The following DOCK8 variants were observed in gnomAD, a reference collection of about 807,000 sequenced individuals.
DOCK8 encodes dedicator of cytokinesis protein 8.
In DOCK8, 141 loss-of-function variants were observed where a neutral mutation model predicts 245.6. The observed-to-expected ratio is 0.57, with a 90% CI of 0.50 to 0.66. DOCK8 has a LOEUF of 0.66. DOCK8 is among the 30% of genes least tolerant of loss of function. The pLI is 0.00. For synonymous variants in DOCK8, 1,168 were observed against 970.2 expected, an observed-to-expected ratio of 1.20 and a Z score of -3.79; for missense variants, 2,965 against 2,603.4, an observed-to-expected ratio of 1.14 and a Z score of -3.02.
At chr9:241,001 T>C (rs150519527) in intron 1 of DOCK8, among the ~76,000 whole-genome samples, 29 of 152,194 alleles carry the variant, frequency 1.9e-4, no homozygotes, top group African/African-American at 6.0e-4. Flanking sequence ...TGTTTCTTTT[T>C]CCTCTTATCT....
intron 2 of DOCK8, chr9:272,917 C>A: frequency 2.4e-6 from 1 of 413,070 alleles, no homozygotes; most frequent in African/African-American, 2.2e-5. Context: ...CCTCACACAG[C>A]ACAGCAGCAC....
At chr9:236,459 G>T (rs2131394094) in intron 1 of DOCK8, among the ~76,000 whole-genome samples, 1 of 152,308 alleles carries the variant, frequency 6.6e-6, no homozygotes. Flanking sequence ...GAAGGGGCTA[G>T]TGCATATTGA....
chr9:251,830 T>C (rs1415831948), intron 1 of DOCK8, among the ~76,000 whole-genome samples: 1 of 152,154 alleles, frequency 6.6e-6, no homozygotes, highest in African/African-American at 2.4e-5. Context: ...AGTAGCAGGC[T>C]TTTCCAGGTT....
intron 14 of DOCK8, among the ~76,000 whole-genome samples, chr9:346,561 G>T (rs1030499488): frequency 6.6e-6 from 1 of 152,102 alleles, no homozygotes; most frequent in Non-Finnish European, 1.5e-5. Flanking sequence ...CTGAGGTCTT[G>T]TTTATCCAAT....
chr9:424,495 AC>A, intron 33 of DOCK8, among the ~76,000 whole-genome samples: 1 of 151,850 alleles, frequency 6.6e-6, no homozygotes, highest in Admixed American at 6.6e-5. Flanking sequence ...CTGCAGCCTT[AC>A]CCTCCTGGCC....
At chr9:335,183 A>G (rs1184818901) in intron 11 of DOCK8, among the ~76,000 whole-genome samples, 1 of 152,212 alleles carries the variant, frequency 6.6e-6, no homozygotes, top group Non-Finnish European at 1.5e-5. Flanking sequence ...CATCCAAAGA[A>G]TATTTACTGT....
chr9:379,704 G>A, intron 20 of DOCK8, 67 bp from the exon 21 acceptor site: 1 of 1,572,542 alleles, frequency 6.4e-7, no homozygotes, highest in African/African-American at 1.3e-5. Context: ...CTGTCCTGGA[G>A]AAACTTCCAC....
intron 14 of DOCK8, among the ~76,000 whole-genome samples, chr9:341,888 G>C (rs1052363015): frequency 1.3e-5 from 2 of 152,140 alleles, no homozygotes; most frequent in Admixed American, 1.3e-4. Context: ...ATTCTCATGG[G>C]AGCATGAATC....
chr9:335,618 G>A (rs2051273342), intron 11 of DOCK8, among the ~76,000 whole-genome samples: 1 of 152,070 alleles, frequency 6.6e-6, no homozygotes, highest in Admixed American at 6.6e-5. Flanking sequence ...GTAGACCCAA[G>A]TAACTTATTG....
chr9:346,192 C>T (rs148494078), intron 14 of DOCK8, among the ~76,000 whole-genome samples: 94 of 152,130 alleles, frequency 6.2e-4, no homozygotes, highest in African/African-American at 2.0e-3. Context: ...AAGGATTATC[C>T]GAATCCAAGC....
intron 1 of DOCK8, among the ~76,000 whole-genome samples, chr9:228,355 A>G (rs947238911): frequency 6.6e-6 from 1 of 152,194 alleles, no homozygotes; most frequent in Non-Finnish European, 1.5e-5. Context: ...GACTTCTAAC[A>G]ATAAGTAAAA....
chr9:367,307 T>C (rs1311658337), intron 14 of DOCK8, among the ~76,000 whole-genome samples: 1 of 152,196 alleles, frequency 6.6e-6, no homozygotes, highest in Non-Finnish European at 1.5e-5. Context: ...TCCTAGGCAC[T>C]GTTCTAGTGC....
At chr9:367,114 G>A (rs1254319463) in intron 14 of DOCK8, among the ~76,000 whole-genome samples, 3 of 152,188 alleles carry the variant, frequency 2.0e-5, no homozygotes, top group Non-Finnish European at 4.4e-5. Flanking sequence ...CAACCTATAG[G>A]ATAGCTATGA....
At chr9:281,479 A>T (rs2048582353) in intron 2 of DOCK8, among the ~76,000 whole-genome samples, 1 of 152,102 alleles carries the variant, frequency 6.6e-6, no homozygotes, top group Non-Finnish European at 1.5e-5. Context: ...GCTTCCAGGG[A>T]CCCAAGTCTT....
intron 9 of DOCK8, among the ~76,000 whole-genome samples, chr9:330,057 T>C (rs2050939136): frequency 6.6e-6 from 1 of 152,202 alleles, no homozygotes; most frequent in African/African-American, 2.4e-5. Context: ...TAAGAGGGGC[T>C]TCTTTCTTTT....
Position 428,406 on chromosome 9 carries a change from T to C in DOCK8, c.4383T>C (p.Val1461=), listed in dbSNP as rs2056579286. 6.2e-7 allele frequency: 1 copy of C among 1,614,190 alleles called. No homozygotes were observed. The highest frequency in any genetic ancestry group is 8.5e-7 in the Non-Finnish European group (1 of 1,180,022). The change falls in exon 35 of 48, where the codon GTT becomes GTC. Residue 1461 remains valine (V), a synonymous_variant. Coordinates refer to ENST00000432829, the MANE Select transcript of DOCK8 (RefSeq NM_203447.4). The part of the protein sequence containing the change: ...LDCKDSLLGG[V]LRVLVNSLNC... ...GTAAAGACAGCCTGCTGGGAGGTGT[T>C]CTGAGGGTGCTGGTGAATTCTCTGA...
At chr9:339,249 A>G (rs749136922) in intron 13 of DOCK8, 150 bp downstream of exon 13, 2 of 740,088 alleles carry the variant, frequency 2.7e-6, no homozygotes, top group Non-Finnish European at 2.3e-6. Context: ...GAATTGTTCT[A>G]TGTCTTTGGC....
intron 22 of DOCK8, among the ~76,000 whole-genome samples, chr9:385,689 G>A (rs1333602549): frequency 6.6e-6 from 1 of 152,190 alleles, no homozygotes; most frequent in Non-Finnish European, 1.5e-5. Flanking sequence ...ACAACTGGTT[G>A]TTAAACATTT....
intron 26 of DOCK8, among the ~76,000 whole-genome samples, chr9:400,071 CACCAT>C: frequency 1.9e-5 from 2 of 107,768 alleles, no homozygotes; most frequent in African/African-American, 9.0e-5. Flanking sequence ...CCTTCACCAT[CACCAT>C]CACCACCACC....
Sources: gnomAD v4.1 joint callset for allele counts (sites outside exome capture counted in the v4.1 genomes callset) on GRCh38, gnomAD v4.1.1 for gene constraint, MANE v1.5 for transcripts, NCBI Gene and HGNC (gene_info 2026-07-23, HGNC 2026-07-21) for gene names.